The following SDCCAG8 variants were observed in gnomAD, a reference collection of about 807,000 sequenced individuals.
SDCCAG8 encodes the protein serologically defined colon cancer antigen 8.
A neutral mutation model predicts 101.8 loss-of-function variants in SDCCAG8; 74 were observed. That is an observed-to-expected ratio of 0.73 (90% CI 0.60 to 0.88). The LOEUF (loss-of-function observed/expected upper bound fraction) is 0.88. SDCCAG8 is among the 40% of genes least tolerant of loss of function. The pLI, the probability that SDCCAG8 is intolerant of heterozygous loss-of-function variation, is 0.00. For missense variants in SDCCAG8, 787 were observed against 822.6 expected (o/e 0.96, Z 0.53); for synonymous variants, 281 against 292.9 (o/e 0.96, Z 0.41).
At chr1:243,309,586 C>T (rs2072510106) in intron 8 of SDCCAG8, among the ~76,000 whole-genome samples, 1 of 152,180 alleles carries the variant, frequency 6.6e-6, no homozygotes, top group Admixed American at 6.5e-5. Context: ...CTCAGTGCAA[C>T]TTTGAACTTC....
At chr1:243,478,813 C>G (rs779966668) in intron 16 of SDCCAG8, among the ~76,000 whole-genome samples, 3 of 151,964 alleles carry the variant, frequency 2.0e-5, no homozygotes, top group Non-Finnish European at 4.4e-5. Context: ...AAAAAATTAG[C>G]TGAGCGTGGT....
chr1:243,351,761 G>A (rs1336821592), intron 12 of SDCCAG8, among the ~76,000 whole-genome samples: 2 of 152,158 alleles, frequency 1.3e-5, no homozygotes, highest in Non-Finnish European at 1.5e-5. Flanking sequence ...TTTAAAATAT[G>A]TTCATTTAAT....
At chr1:243,455,670 T>G (rs943288618) in intron 16 of SDCCAG8, among the ~76,000 whole-genome samples, 1 of 152,238 alleles carries the variant, frequency 6.6e-6, no homozygotes, top group Non-Finnish European at 1.5e-5. Flanking sequence ...AAATCCAGCT[T>G]GATAGAAAGC....
intron 16 of SDCCAG8, among the ~76,000 whole-genome samples, chr1:243,460,832 A>G (rs151293665): frequency 6.6e-6 from 1 of 152,050 alleles, no homozygotes; most frequent in African/African-American, 2.4e-5. Context: ...TCCCTTTCTC[A>G]GGTGGTGGAA....
intron 13 of SDCCAG8, among the ~76,000 whole-genome samples, chr1:243,388,746 T>A (rs897683493): frequency 4.6e-5 from 7 of 151,220 alleles, no homozygotes; most frequent in African/African-American, 1.7e-4. Flanking sequence ...TGGTTGTGCA[T>A]GCCTGTAGTC....
chr1:243,403,743 T>A (rs1232553024), intron 13 of SDCCAG8, among the ~76,000 whole-genome samples: 1 of 152,194 alleles, frequency 6.6e-6, no homozygotes, highest in African/African-American at 2.4e-5. Flanking sequence ...GATCTGTCAC[T>A]GTCTCCCGTC....
At chr1:243,337,030 T>G (rs2075057692) in intron 10 of SDCCAG8, among the ~76,000 whole-genome samples, 1 of 152,140 alleles carries the variant, frequency 6.6e-6, no homozygotes, top group African/African-American at 2.4e-5. Flanking sequence ...TTGGTGGGTT[T>G]TGTTGCAATT....
chr1:243,327,278 TTTTATAGAAATTAAAATTATAA>T (rs1294247007), intron 9 of SDCCAG8, among the ~76,000 whole-genome samples: 4 of 149,048 alleles, frequency 2.7e-5, no homozygotes, highest in African/African-American at 9.9e-5. Flanking sequence ...TAATTTATAA[TTTTATAGAAATTAAAATTATAA>T]TTTATAATTT....
intron 12 of SDCCAG8, among the ~76,000 whole-genome samples, chr1:243,365,130 A>G (rs2076928412): frequency 6.6e-6 from 1 of 152,156 alleles, no homozygotes; most frequent in Non-Finnish European, 1.5e-5. Context: ...CTGGAGCTTG[A>G]GTTCTAGTAC....
chr1:243,372,378 C>T (rs1047915142), intron 12 of SDCCAG8, among the ~76,000 whole-genome samples: 8 of 152,054 alleles, frequency 5.3e-5, no homozygotes, highest in Non-Finnish European at 1.0e-4. Flanking sequence ...ATTTTTAAGT[C>T]ACATAATGTT....
At chr1:243,488,607 C>T (rs1487989822) in intron 16 of SDCCAG8, among the ~76,000 whole-genome samples, 1 of 152,184 alleles carries the variant, frequency 6.6e-6, no homozygotes, top group Non-Finnish European at 1.5e-5. Flanking sequence ...ACCCTTACTT[C>T]AGTGTTTCCA....
intron 12 of SDCCAG8, among the ~76,000 whole-genome samples, chr1:243,347,495 T>C (rs2075788452): frequency 6.6e-6 from 1 of 152,234 alleles, no homozygotes; most frequent in South Asian, 2.1e-4. Context: ...CTTAGTAAAA[T>C]TTCATCTTTC....
intron 16 of SDCCAG8, among the ~76,000 whole-genome samples, chr1:243,430,718 G>C (rs554342756): frequency 6.6e-6 from 1 of 152,070 alleles, no homozygotes; most frequent in Non-Finnish European, 1.5e-5. Context: ...GATTACAGGC[G>C]TGAGCTACCG....
At chr1:243,425,560 A>G (rs367837748) in intron 15 of SDCCAG8, among the ~76,000 whole-genome samples, 1 of 152,154 alleles carries the variant, frequency 6.6e-6, no homozygotes, top group Non-Finnish European at 1.5e-5. Context: ...AAACAATCCA[A>G]TCATTAACCT....
intron 12 of SDCCAG8, among the ~76,000 whole-genome samples, chr1:243,363,936 G>C (rs1181380464): frequency 6.6e-6 from 1 of 152,136 alleles, no homozygotes; most frequent in Non-Finnish European, 1.5e-5. Flanking sequence ...GGTGCTGCTT[G>C]CTAAAATTAG....
chr1:243,375,944 C>T (rs562159331), intron 12 of SDCCAG8, among the ~76,000 whole-genome samples: 7 of 152,270 alleles, frequency 4.6e-5, no homozygotes, highest in Non-Finnish European at 1.0e-4. Flanking sequence ...TGATTATCTG[C>T]ACCAATAAGC....
Position 243,270,265 on chromosome 1 carries a change from TG to T in SDCCAG8, c.220+9del, listed in dbSNP as rs2067979867. 10 of 1,613,808 alleles carry T rather than the reference TG, an allele frequency of 6.2e-6. No homozygotes were observed. In the East Asian group the frequency reaches 2.2e-4, roughly 36 times the overall value. On this transcript the variant is annotated intron_variant, in intron 2 of 17. Transcript: ENST00000366541. ...TACAACAGAGCCATGCTGGTGAGTG[TG>T]AATGTCAATCCTAGTCTGAATGATG...
Position 243,264,103 on chromosome 1 carries a change from G to A in SDCCAG8, c.68-6002G>A, listed in dbSNP as rs140986104. Among the ~76,000 whole-genome samples, 127 of 152,270 alleles carry A rather than the reference G, an allele frequency of 8.3e-4. No homozygotes were observed. The East Asian group carries it at 0.023, about 27-fold the overall frequency. On this transcript the variant is annotated intron_variant, in intron 1 of 17. Transcript: ENST00000366541. Reference sequence around the variant, plus strand: ...TCAGAGACAGCTGGGCGCTTCGCAGGGAGTGGTCCCCCTCCCTGTCACCAG... The same window carrying A: ...TCAGAGACAGCTGGGCGCTTCGCAGAGAGTGGTCCCCCTCCCTGTCACCAG...
intron 9 of SDCCAG8, among the ~76,000 whole-genome samples, chr1:243,328,957 T>C (rs1264680303): frequency 6.6e-6 from 1 of 152,210 alleles, no homozygotes; most frequent in East Asian, 1.9e-4. Flanking sequence ...ATTGGATATA[T>C]TGGTTTATAT....
Sources: gnomAD v4.1 joint callset for allele counts (sites outside exome capture counted in the v4.1 genomes callset) on GRCh38, gnomAD v4.1.1 for gene constraint, MANE v1.5 for transcripts, NCBI Gene and HGNC (gene_info 2026-07-23, HGNC 2026-07-21) for gene names.